The following EPHA3 variants were observed in gnomAD, a reference collection of about 807,000 sequenced individuals.
EPHA3 encodes ephrin type-A receptor 3.
EPHA3 carries 42 observed loss-of-function variants against 107.1 expected under a neutral mutation model. That is an observed-to-expected ratio of 0.39 (90% CI 0.31 to 0.51). The LOEUF is 0.51. EPHA3 is among the 20% of genes least tolerant of loss of function. The pLI is 0.78. For missense variants in EPHA3, 1,183 were observed against 1,211.2 expected (o/e 0.98, Z 0.35); for synonymous variants, 461 against 424.8 (o/e 1.09, Z -1.05).
At chr3:89,208,828 G>GT (rs1373524663) in intron 2 of EPHA3, among the ~76,000 whole-genome samples, 3 of 152,170 alleles carry the variant, frequency 2.0e-5, no homozygotes, top group Non-Finnish European at 1.5e-5. Context: ...GAGTTAGAAA[G>GT]TTTTTGCGTA....
chr3:89,111,030 A>T (rs892499563), intron 1 of EPHA3, among the ~76,000 whole-genome samples: 1 of 152,044 alleles, frequency 6.6e-6, no homozygotes, highest in Non-Finnish European at 1.5e-5. Context: ...AGAGTATCCA[A>T]AATAAAACTG....
intron 2 of EPHA3, among the ~76,000 whole-genome samples, chr3:89,175,173 T>C (rs1192612614): frequency 6.6e-6 from 1 of 151,928 alleles, no homozygotes; most frequent in East Asian, 1.9e-4. Context: ...AAATAGGCCC[T>C]TTTTATTTGA....
At chr3:89,127,789 A>C (rs1466125188) in intron 2 of EPHA3, among the ~76,000 whole-genome samples, 1 of 152,060 alleles carries the variant, frequency 6.6e-6, no homozygotes, top group Admixed American at 6.6e-5. Context: ...TGGGAATATT[A>C]CTTAGAAAAA....
intron 5 of EPHA3, among the ~76,000 whole-genome samples, chr3:89,391,086 T>C (rs1412228442): frequency 6.6e-6 from 1 of 152,112 alleles, no homozygotes; most frequent in Non-Finnish European, 1.5e-5. Context: ...GCACCTGGCC[T>C]GAAAAGCACT....
chr3:89,158,193 A>G (rs1263185507), intron 2 of EPHA3, among the ~76,000 whole-genome samples: 1 of 152,176 alleles, frequency 6.6e-6, no homozygotes, highest in Non-Finnish European at 1.5e-5. Flanking sequence ...TTGCACAACC[A>G]GTTAATGTTG....
At chr3:89,459,648 G>C (rs1444015473) in intron 15 of EPHA3, among the ~76,000 whole-genome samples, 3 of 152,010 alleles carry the variant, frequency 2.0e-5, no homozygotes, top group Admixed American at 6.6e-5. Flanking sequence ...TCAGCCTCCT[G>C]AGTATCTGGA....
chr3:89,341,155 A>G, intron 4 of EPHA3, 84 bp downstream of exon 4: 1 of 1,405,128 alleles, frequency 7.1e-7, no homozygotes, highest in South Asian at 1.4e-5. Flanking sequence ...GTTTTAAAGC[A>G]TTTGGCCCAT....
intron 2 of EPHA3, among the ~76,000 whole-genome samples, chr3:89,157,198 A>G (rs1423125511): frequency 6.6e-6 from 1 of 152,074 alleles, no homozygotes; most frequent in Non-Finnish European, 1.5e-5. Context: ...TTGGCCAACC[A>G]AATTCTGCTC....
At chr3:89,375,971 T>C (rs533417148) in intron 5 of EPHA3, among the ~76,000 whole-genome samples, 44 of 152,126 alleles carry the variant, frequency 2.9e-4, no homozygotes, top group African/African-American at 8.9e-4. Flanking sequence ...TCTGCCTTTT[T>C]ACACTACTTT....
chr3:89,404,980 A>G (rs1015090923), intron 7 of EPHA3, among the ~76,000 whole-genome samples: 2 of 152,200 alleles, frequency 1.3e-5, no homozygotes, highest in African/African-American at 4.8e-5. Flanking sequence ...AATCATTCAC[A>G]GATCTGTAGC....
intron 3 of EPHA3, among the ~76,000 whole-genome samples, chr3:89,338,111 T>A (rs1014639347): frequency 6.6e-6 from 1 of 152,216 alleles, no homozygotes; most frequent in African/African-American, 2.4e-5. Context: ...CCCACCTTTT[T>A]GTCCATAACT....
intron 2 of EPHA3, among the ~76,000 whole-genome samples, chr3:89,131,353 TC>T (rs1193211146): frequency 6.6e-6 from 1 of 152,184 alleles, no homozygotes; most frequent in Non-Finnish European, 1.5e-5. Context: ...TGGAGAACAA[TC>T]AACACATATC....
At chr3:89,424,345 CATCAT>C (rs1709415188) in intron 11 of EPHA3, among the ~76,000 whole-genome samples, 1 of 151,274 alleles carries the variant, frequency 6.6e-6, no homozygotes, top group East Asian at 1.9e-4. Context: ...TTTATTAGCA[CATCAT>C]ACATAGAAAA....
intron 2 of EPHA3, among the ~76,000 whole-genome samples, chr3:89,140,457 G>A (rs1338904687): frequency 6.6e-6 from 1 of 151,644 alleles, no homozygotes; most frequent in Non-Finnish European, 1.5e-5. Context: ...CTAAATACAT[G>A]TTGTTCATAT....
At chr3:89,186,640 T>C (rs937242664) in intron 2 of EPHA3, among the ~76,000 whole-genome samples, 4 of 152,114 alleles carry the variant, frequency 2.6e-5, no homozygotes, top group African/African-American at 9.7e-5. Flanking sequence ...TGTATATAAA[T>C]AAGACATTTG....
rs2107554844 is a variant in EPHA3 at position 89,450,200 on chromosome 3, C to T, written c.2520C>T (p.Gly840=). Residue 840 remains glycine, a synonymous_variant, in exon 15 of 17, where the codon GGC becomes GGT. Transcript: ENST00000336596. ...NQDVIKAVDE[G]YRLPPPMDCP... is the part of the protein sequence containing the mutation. ...AGGTAATTAAAGCTGTAGATGAGGGCTATCGACTGCCACCCCCCATGGACT... is the reference window on the plus strand; with the variant it reads ...AGGTAATTAAAGCTGTAGATGAGGGTTATCGACTGCCACCCCCCATGGACT... The T allele has an allele frequency of 6.2e-7, 1 of 1,607,284 alleles. No individual in the cohort carries two copies. Among genetic ancestry groups the T allele is most frequent in the Non-Finnish European group, 8.5e-7 (1 of 1,176,792 alleles).
chr3:89,291,494 G>C (rs1191933092), intron 3 of EPHA3, among the ~76,000 whole-genome samples: 1 of 152,042 alleles, frequency 6.6e-6, no homozygotes, highest in Non-Finnish European at 1.5e-5. Flanking sequence ...AAGAACATTT[G>C]CTTATGTTTT....
intron 2 of EPHA3, among the ~76,000 whole-genome samples, chr3:89,180,632 G>A (rs1010173101): frequency 3.3e-5 from 5 of 151,898 alleles, no homozygotes; most frequent in Admixed American, 3.3e-4. Flanking sequence ...GCCATAGAAG[G>A]TTAAGGTTTG....
intron 3 of EPHA3, among the ~76,000 whole-genome samples, chr3:89,260,944 A>G (rs1383020766): frequency 9.2e-5 from 14 of 152,168 alleles, no homozygotes; most frequent in Non-Finnish European, 1.9e-4. Context: ...TTCTCAATAC[A>G]TAGCAGCTGC....
Sources: gnomAD v4.1 joint callset for allele counts (sites outside exome capture counted in the v4.1 genomes callset) on GRCh38, gnomAD v4.1.1 for gene constraint, MANE v1.5 for transcripts, NCBI Gene and HGNC (gene_info 2026-07-23, HGNC 2026-07-21) for gene names.